The following CYTH3 variants were observed in gnomAD, a reference collection of about 807,000 sequenced individuals.
The protein encoded by CYTH3 is cytohesin 3.
Under a neutral mutation model 55.1 loss-of-function variants are expected in CYTH3, and 23 were observed. The ratio of observed to expected loss-of-function variants is 0.42; its 90% CI spans 0.30 to 0.59. The LOEUF is 0.59. Ranked by LOEUF, CYTH3 falls within the 20% of genes least tolerant of loss-of-function variation. The pLI is 0.20. For synonymous variants in CYTH3, 249 were observed against 194.9 expected (o/e 1.28, Z -2.31); for missense variants, 413 against 524.8 (o/e 0.79, Z 2.08).
At chr7:6,208,596 G>A (rs1004847301) in intron 1 of CYTH3, among the ~76,000 whole-genome samples, 2 of 152,154 alleles carry the variant, frequency 1.3e-5, no homozygotes, top group Non-Finnish European at 2.9e-5. Context: ...CAGGTTGGGG[G>A]GCAATGGCCC....
At chr7:6,182,460 T>C (rs1414548162) in intron 4 of CYTH3, among the ~76,000 whole-genome samples, 2 of 152,204 alleles carry the variant, frequency 1.3e-5, no homozygotes, top group African/African-American at 4.8e-5. Flanking sequence ...GCAATCCTTC[T>C]GCCTTAGCCT....
At chr7:6,241,269 C>G (rs1341517829) in intron 1 of CYTH3, among the ~76,000 whole-genome samples, 1 of 152,094 alleles carries the variant, frequency 6.6e-6, no homozygotes, top group African/African-American at 2.4e-5. Flanking sequence ...GGAACTAATC[C>G]CCTACTATGC....
intron 1 of CYTH3, among the ~76,000 whole-genome samples, chr7:6,261,641 T>C (rs1780356191): frequency 6.8e-6 from 1 of 147,976 alleles, no homozygotes; most frequent in African/African-American, 2.5e-5. Flanking sequence ...ATAGGATCAT[T>C]TGAGCCTGAC....
chr7:6,269,391 C>G (rs1485082333), intron 1 of CYTH3, among the ~76,000 whole-genome samples: 2 of 152,172 alleles, frequency 1.3e-5, no homozygotes, highest in African/African-American at 4.8e-5. Context: ...TTATTATGAA[C>G]AAGGCTCAGC....
intron 1 of CYTH3, among the ~76,000 whole-genome samples, chr7:6,206,075 T>TA (rs1190218862): frequency 2.6e-5 from 4 of 152,038 alleles, no homozygotes; most frequent in Non-Finnish European, 4.4e-5. Flanking sequence ...TTCAAAAAGT[T>TA]AAAACAGTTT....
At chr7:6,218,684 A>G (rs1050278009) in intron 1 of CYTH3, among the ~76,000 whole-genome samples, 4 of 152,156 alleles carry the variant, frequency 2.6e-5, no homozygotes, top group Admixed American at 6.5e-5. Context: ...AGATTGCCTT[A>G]AACAGATCAC....
chr7:6,205,221 A>T (rs946789206), intron 1 of CYTH3, among the ~76,000 whole-genome samples: 10 of 152,162 alleles, frequency 6.6e-5, no homozygotes, highest in African/African-American at 2.4e-4. Context: ...AAATTAAATT[A>T]AGAAACACAA....
intron 3 of CYTH3, among the ~76,000 whole-genome samples, 171 bp downstream of exon 3, chr7:6,187,486 G>GA (rs1034591255): frequency 2.6e-4 from 40 of 152,212 alleles, no homozygotes; most frequent in African/African-American, 9.1e-4. Context: ...AACATCCAGG[G>GA]AAACACCCCT....
chr7:6,205,387 A>G (rs138189819), intron 1 of CYTH3, among the ~76,000 whole-genome samples: 1,757 of 152,226 alleles, frequency 0.012, 19 homozygotes, highest in Non-Finnish European at 0.016. Context: ...AGGCTGGCCA[A>G]CATGGTAAAA....
intron 1 of CYTH3, among the ~76,000 whole-genome samples, chr7:6,238,668 A>G (rs531736108): frequency 2.6e-5 from 4 of 152,214 alleles, no homozygotes; most frequent in African/African-American, 4.8e-5. Flanking sequence ...ACCATAACCA[A>G]AAGTGAATCC....
intron 1 of CYTH3, among the ~76,000 whole-genome samples, chr7:6,195,592 T>A (rs1211325290): frequency 6.6e-6 from 1 of 152,034 alleles, no homozygotes; most frequent in Non-Finnish European, 1.5e-5. Flanking sequence ...GTAGCTGGGA[T>A]TACAGGTGCC....
intron 4 of CYTH3, among the ~76,000 whole-genome samples, chr7:6,183,217 G>A (rs1783551979): frequency 6.6e-6 from 1 of 152,232 alleles, no homozygotes; most frequent in Non-Finnish European, 1.5e-5. Flanking sequence ...TTCCCTGAAT[G>A]TACCTCCTCT....
chr7:6,183,944 A>G (rs2128542288), intron 4 of CYTH3, among the ~76,000 whole-genome samples: 1 of 150,684 alleles, frequency 6.6e-6, no homozygotes, highest in South Asian at 2.1e-4. Flanking sequence ...AGCCAGGAAG[A>G]GAGCCCTCAC....
chr7:6,260,664 G>C (rs118023551), intron 1 of CYTH3, among the ~76,000 whole-genome samples: 2 of 152,112 alleles, frequency 1.3e-5, no homozygotes, highest in East Asian at 1.9e-4. Flanking sequence ...ATTCAACACA[G>C]CTGATCGATC....
rs962673536 is a variant in CYTH3, at chr7:6,170,032, G to A, written c.823+503C>T. 2 of 167,330 alleles carry A rather than the reference G, an allele frequency of 1.2e-5. No individual in the cohort carries two copies. The highest frequency in any genetic ancestry group is 2.4e-5 in the African/African-American group (1 of 41,602). 10.4% of individuals were successfully genotyped at this position (167,330 alleles called of 1,614,324 possible). A position where few individuals can be genotyped will look rare whatever the true frequency, so the allele number is the denominator to read the frequency against. On this transcript the variant is annotated intron_variant, in intron 9 of 12. Transcript: ENST00000350796. The surrounding 1 kb of genome is among the most constrained non-coding windows in gnomAD (Gnocchi z 7.8). Reference sequence around the variant, plus strand: ...TCACACAGACCAACGTGGGGAGAGCGAGAGGAATGAGCCGCTGAGGGGGCG... The same window carrying A: ...TCACACAGACCAACGTGGGGAGAGCAAGAGGAATGAGCCGCTGAGGGGGCG...
intron 1 of CYTH3, among the ~76,000 whole-genome samples, chr7:6,229,501 G>C (rs551990492): frequency 1.3e-5 from 2 of 152,128 alleles, no homozygotes; most frequent in Non-Finnish European, 2.9e-5. Flanking sequence ...CCCAGCGGTC[G>C]AGTAGGGCTC....
At chr7:6,215,154 G>T (rs1784398466) in intron 1 of CYTH3, among the ~76,000 whole-genome samples, 1 of 152,138 alleles carries the variant, frequency 6.6e-6, no homozygotes, top group Non-Finnish European at 1.5e-5. Flanking sequence ...GCACATGAGA[G>T]TTGACAAGGA....
At chr7:6,236,102 G>A (rs1009635201) in intron 1 of CYTH3, among the ~76,000 whole-genome samples, 2 of 152,110 alleles carry the variant, frequency 1.3e-5, no homozygotes, top group East Asian at 1.9e-4. Flanking sequence ...GATTACATCC[G>A]AAAGGATGAA....
At chr7:6,184,093 C>T in intron 4 of CYTH3, among the ~76,000 whole-genome samples, 1 of 113,868 alleles carries the variant, frequency 8.8e-6, no homozygotes, top group South Asian at 3.1e-4. Flanking sequence ...TAGAGTCTCG[C>T]TCTGTCGCCC....
Sources: allele counts gnomAD v4.1 joint callset (sites outside exome capture counted in the v4.1 genomes callset), GRCh38; gene constraint gnomAD v4.1.1; non-coding constraint Gnocchi (gnomAD v3.1); transcripts MANE v1.5; gene names NCBI Gene and HGNC (gene_info 2026-07-23, HGNC 2026-07-21).